The following ADGRV1 variants were observed in gnomAD, a reference collection of about 807,000 sequenced individuals.
The protein encoded by ADGRV1 is adhesion G protein-coupled receptor V1.
In ADGRV1, 359 loss-of-function variants were observed where a neutral mutation model predicts 596.2. That is an observed-to-expected ratio of 0.60 (90% CI 0.55 to 0.66). The LOEUF is 0.66. Among genes scored for constraint, ADGRV1 ranks in the 30% least tolerant of loss-of-function variants. ADGRV1 has a pLI of 0.00. For missense variants in ADGRV1, 7,274 were observed against 7,575.6 expected (o/e 0.96, Z 1.48); for synonymous variants, 2,681 against 2,679.2 (o/e 1.00, Z -0.02).
At chr5:91,006,847 G>T (rs780154936) in intron 85 of ADGRV1, among the ~76,000 whole-genome samples, 3 of 152,030 alleles carry the variant, frequency 2.0e-5, no homozygotes, top group African/African-American at 7.3e-5. Flanking sequence ...GACCCAGTTG[G>T]ACATTTTCAT....
intron 77 of ADGRV1, among the ~76,000 whole-genome samples, chr5:90,834,904 CT>C: frequency 6.7e-6 from 1 of 148,392 alleles, no homozygotes; most frequent in East Asian, 2.0e-4. Flanking sequence ...CTTTCTCTTT[CT>C]TTTTCTTTCT....
intron 77 of ADGRV1, among the ~76,000 whole-genome samples, chr5:90,829,932 T>A (rs1289491922): frequency 6.6e-6 from 1 of 152,116 alleles, no homozygotes; most frequent in African/African-American, 2.4e-5. Context: ...ACCCACTATT[T>A]GAAAACTGCC....
chr5:91,145,892 C>T lies in ADGRV1; in HGVS notation c.18433-4138C>T, dbSNP rs528571173. 3.9e-5 allele frequency among the ~76,000 whole-genome samples: 6 copies of T among 152,262 alleles called. No homozygotes were observed. In the South Asian group the frequency reaches 1.2e-3, roughly 32 times the overall value. On this transcript the variant is annotated intron_variant, in intron 87 of 89. Transcript: ENST00000405460. ...CAAACACTAGCCTACATACCTAGAG[C>T]ATTGCCCTCTAATTTCACTTTTATA...
intron 84 of ADGRV1, among the ~76,000 whole-genome samples, chr5:90,977,579 T>C (rs1232277462): frequency 6.6e-6 from 1 of 152,208 alleles, no homozygotes; most frequent in East Asian, 1.9e-4. Context: ...AATAAGCGAA[T>C]GAATGTGTGT....
At chr5:90,599,341 TCTTAG>T (rs1761112726) in intron 1 of ADGRV1, among the ~76,000 whole-genome samples, 1 of 152,218 alleles carries the variant, frequency 6.6e-6, no homozygotes, top group Non-Finnish European at 1.5e-5. Flanking sequence ...ATTGATAAAC[TCTTAG>T]GCATTCCCTA....
At chr5:90,880,558 G>A (rs1297131898) in intron 83 of ADGRV1, among the ~76,000 whole-genome samples, 2 of 152,180 alleles carry the variant, frequency 1.3e-5, no homozygotes. Flanking sequence ...AGTGTTGTGG[G>A]TTAGCTTGAA....
intron 86 of ADGRV1, among the ~76,000 whole-genome samples, chr5:91,097,173 A>C (rs1790948305): frequency 6.6e-6 from 1 of 152,216 alleles, no homozygotes; most frequent in Non-Finnish European, 1.5e-5. Context: ...TCAAGGTGCC[A>C]GCAGATTCAG....
intron 77 of ADGRV1, among the ~76,000 whole-genome samples, chr5:90,836,580 G>T (rs1228832159): frequency 6.6e-6 from 1 of 152,164 alleles, no homozygotes; most frequent in Non-Finnish European, 1.5e-5. Context: ...GAGGGAATGG[G>T]CTGGGGTGAC....
intron 67 of ADGRV1, among the ~76,000 whole-genome samples, 173 bp downstream of exon 67, chr5:90,784,230 G>A (rs1759182973): frequency 6.6e-6 from 1 of 152,056 alleles, no homozygotes; most frequent in South Asian, 2.1e-4. Flanking sequence ...AAATGTATAA[G>A]GCATACATCT....
Position 90,973,344 on chromosome 5 carries a change from TC to T in ADGRV1, c.17973+7814del, listed in dbSNP as rs1581677817. Among the ~76,000 whole-genome samples, 3 of 152,268 alleles carry T rather than the reference TC, an allele frequency of 2.0e-5. No homozygotes were observed. In the East Asian group the frequency reaches 5.8e-4, roughly 29 times the overall value. On this transcript the variant is annotated intron_variant, in intron 84 of 89. Transcript: ENST00000405460. The stretch of plus-strand genomic sequence containing the variant: ...AGAAAAAGAGGGAATCCTCCCTAAC[TC>T]ATTTTATGAGGCCAGCATCATCCTG...
chr5:90,919,848 G>A (rs1446855194), intron 83 of ADGRV1, among the ~76,000 whole-genome samples: 1 of 152,014 alleles, frequency 6.6e-6, no homozygotes, highest in African/African-American at 2.4e-5. Context: ...TGCAAAATTA[G>A]CTGGGCATGG....
chr5:91,097,619 C>G (rs946244956), intron 86 of ADGRV1, among the ~76,000 whole-genome samples: 2 of 152,130 alleles, frequency 1.3e-5, no homozygotes, highest in East Asian at 1.9e-4. Context: ...CGTATGGTAA[C>G]TCTGTGTTTA....
intron 50 of ADGRV1, among the ~76,000 whole-genome samples, chr5:90,734,791 C>G (rs1753004520): frequency 1.3e-5 from 2 of 152,168 alleles, no homozygotes; most frequent in Admixed American, 1.3e-4. Flanking sequence ...AACTCCTGAC[C>G]TCATGATCCA....
intron 76 of ADGRV1, among the ~76,000 whole-genome samples, chr5:90,826,372 G>A (rs1764074065): frequency 6.6e-6 from 1 of 152,154 alleles, no homozygotes; most frequent in Admixed American, 6.6e-5. Flanking sequence ...CAGTTACACT[G>A]AACTTATTCT....
At chr5:91,056,877 A>G (rs6452934) in intron 85 of ADGRV1, among the ~76,000 whole-genome samples, 89,383 of 152,082 alleles carry the variant, frequency 0.59, 26,996 homozygotes, top group South Asian at 0.68. Flanking sequence ...AATCGCTCGA[A>G]TTTACTTTTT....
chr5:91,028,461 C>A (rs1224602581), intron 85 of ADGRV1, among the ~76,000 whole-genome samples: 1 of 152,086 alleles, frequency 6.6e-6, no homozygotes, highest in Non-Finnish European at 1.5e-5. Flanking sequence ...TAAAGTTGGT[C>A]TTGATATCTT....
Position 90,645,970 on chromosome 5 carries a change from TC to T in ADGRV1, c.2903del (p.Pro968GlnfsTer12). Reference sequence around the variant, plus strand: ...AAAACGTGTAACATTTTCCAAAGATTCCAGAAGAAATGGAAGAATTTACCGT... The same window carrying T: ...AAAACGTGTAACATTTTCCAAAGATTCAGAAGAAATGGAAGAATTTACCGT... ...ITIYSLPDEI[P>X]EEMEEFTVIL... On this transcript the variant is annotated frameshift_variant, in exon 16 of 90. Coordinates refer to ENST00000405460, the MANE Select transcript of ADGRV1 (RefSeq NM_032119.4). LOFTEE classifies it high-confidence loss of function. The T allele has an allele frequency of 6.3e-7, 1 of 1,584,484 alleles. No homozygotes were observed. The highest frequency in any genetic ancestry group is 8.6e-7 in the Non-Finnish European group (1 of 1,164,872).
chr5:91,111,524 A>G (rs751816417), intron 87 of ADGRV1, among the ~76,000 whole-genome samples: 7 of 152,318 alleles, frequency 4.6e-5, no homozygotes, highest in Non-Finnish European at 1.0e-4. Context: ...GATACAGTAC[A>G]TATTTAGTCT....
chr5:90,614,554 A>G (rs1763109875), intron 1 of ADGRV1: 1 of 331,902 alleles, frequency 3.0e-6, no homozygotes, highest in South Asian at 3.0e-5. Context: ...ACATGAACTA[A>G]ATTTAATAAG....
Sources: gnomAD v4.1 joint callset for allele counts (sites outside exome capture counted in the v4.1 genomes callset) on GRCh38, gnomAD v4.1.1 for gene constraint, MANE v1.5 for transcripts, NCBI Gene and HGNC (gene_info 2026-07-23, HGNC 2026-07-21) for gene names.